Variants in FILIP1 observed in about 807,000 individuals in gnomAD.
FILIP1 encodes filamin-A-interacting protein 1.
FILIP1 carries 61 observed loss-of-function variants against 102.1 expected under a neutral mutation model. The ratio of observed to expected loss-of-function variants is 0.60; its 90% confidence interval spans 0.49 to 0.74. The LOEUF (loss-of-function observed/expected upper bound fraction) is 0.74. Among genes scored for constraint, FILIP1 ranks in the 30% least tolerant of loss-of-function variants. The pLI is 0.00. For missense variants in FILIP1, 1,314 were observed against 1,441.2 expected (o/e 0.91, Z 1.43); for synonymous variants, 491 against 526.9 (o/e 0.93, Z 0.93).
chr6:75,399,058 G>C (rs1176409063), intron 2 of FILIP1: 1 of 152,138 alleles, frequency 6.6e-6, no homozygotes, highest in East Asian at 1.9e-4. Context: ...GCTCCTCAAA[G>C]TATAGAATTT....
intron 1 of FILIP1, among the ~76,000 whole-genome samples, chr6:75,464,132 T>C (rs1385669110): frequency 1.3e-5 from 2 of 152,210 alleles, no homozygotes; most frequent in African/African-American, 4.8e-5. Context: ...CCTTTTAAGA[T>C]TATAATGCTC....
intron 1 of FILIP1, among the ~76,000 whole-genome samples, chr6:75,482,309 A>G (rs1203892666): frequency 6.6e-6 from 1 of 152,238 alleles, no homozygotes; most frequent in Non-Finnish European, 1.5e-5. Flanking sequence ...GATAGTATTG[A>G]TGGTAATAGG....
At chr6:75,401,273 C>T (rs1046944201) in intron 2 of FILIP1, among the ~76,000 whole-genome samples, 1 of 152,190 alleles carries the variant, frequency 6.6e-6, no homozygotes, top group East Asian at 1.9e-4. Flanking sequence ...CTGAAATTCT[C>T]TCCTTCCCTT....
chr6:75,481,718 C>T (rs1383576625), intron 1 of FILIP1, among the ~76,000 whole-genome samples: 1 of 152,150 alleles, frequency 6.6e-6, no homozygotes, highest in Non-Finnish European at 1.5e-5. Flanking sequence ...CTTTTAGCTA[C>T]AAAACATGGG....
chr6:75,363,022 G>T (rs1238650885), intron 2 of FILIP1, 105 bp from the exon 3 acceptor site: 3 of 1,139,896 alleles, frequency 2.6e-6, no homozygotes, highest in Non-Finnish European at 3.7e-6. Flanking sequence ...ATCTTGTCAG[G>T]GCTATTGGCA....
At chr6:75,392,722 A>G (rs1321705648) in intron 2 of FILIP1, among the ~76,000 whole-genome samples, 1 of 151,878 alleles carries the variant, frequency 6.6e-6, no homozygotes, top group Non-Finnish European at 1.5e-5. Context: ...CATAATTCCC[A>G]TGTGTTGTGG....
intron 1 of FILIP1, among the ~76,000 whole-genome samples, chr6:75,446,746 C>T (rs1778454333): frequency 1.3e-5 from 2 of 152,158 alleles, no homozygotes; most frequent in South Asian, 4.2e-4. Flanking sequence ...AAAATGATGA[C>T]TCTTTCATTA....
intron 1 of FILIP1, among the ~76,000 whole-genome samples, chr6:75,452,922 A>G (rs1481094848): frequency 6.6e-6 from 1 of 152,212 alleles, no homozygotes; most frequent in East Asian, 1.9e-4. Context: ...TTTTGATGAG[A>G]CAAAAAGCCA....
chr6:75,441,199 G>A (rs1397942212), intron 1 of FILIP1, among the ~76,000 whole-genome samples: 1 of 151,614 alleles, frequency 6.6e-6, no homozygotes, highest in African/African-American at 2.4e-5. Flanking sequence ...CGAGCATGCT[G>A]CCTTCAAGCA....
At chr6:75,390,655 G>A (rs991485786) in intron 2 of FILIP1, among the ~76,000 whole-genome samples, 2 of 152,116 alleles carry the variant, frequency 1.3e-5, no homozygotes, top group African/African-American at 4.8e-5. Flanking sequence ...AACCATTCAT[G>A]AGAAATCCAT....
chr6:75,293,797 CCATCAGAGGTA>C (rs1360622254), exon 7 of FILIP1: 1 of 152,062 alleles, frequency 6.6e-6, no homozygotes, highest in Non-Finnish European at 1.5e-5. Context: ...AATAATTTTG[CCATCAGAGGTA>C]CAAACATTGG....
intron 1 of FILIP1, among the ~76,000 whole-genome samples, chr6:75,437,801 C>T (rs188582761): frequency 4.8e-4 from 73 of 152,302 alleles, no homozygotes; most frequent in Middle Eastern, 3.4e-3. Context: ...ACTAACTGGG[C>T]ATTCCAAAGC....
intron 2 of FILIP1, among the ~76,000 whole-genome samples, chr6:75,407,534 T>A (rs1776913284): frequency 6.6e-6 from 1 of 152,170 alleles, no homozygotes; most frequent in Admixed American, 6.5e-5. Flanking sequence ...CCTTATAAAT[T>A]ATTTTTGAAG....
At chr6:75,367,126 C>G (rs763512525) in intron 2 of FILIP1, among the ~76,000 whole-genome samples, 29 of 152,134 alleles carry the variant, frequency 1.9e-4, no homozygotes, top group Non-Finnish European at 3.7e-4. Flanking sequence ...CCAACTGATA[C>G]CAAACACCTA....
At chr6:75,309,031 T>C (rs1309979399) in intron 5 of FILIP1, 134 bp from the exon 6 acceptor site, 8 of 920,090 alleles carry the variant, frequency 8.7e-6, no homozygotes, top group Non-Finnish European at 1.3e-5. Flanking sequence ...GATAAAATAA[T>C]TGTGAGAAAC....
chr6:75,294,773 G>C (rs1331691286), exon 7 of FILIP1: 1 of 150,664 alleles, frequency 6.6e-6, no homozygotes, highest in African/African-American at 2.4e-5. Context: ...GCTCCCTGCA[G>C]CCTCCATCTC....
intron 4 of FILIP1, among the ~76,000 whole-genome samples, chr6:75,349,018 C>T (rs1014511527): frequency 6.6e-6 from 1 of 152,166 alleles, no homozygotes; most frequent in Non-Finnish European, 1.5e-5. Flanking sequence ...ATTCACTTGT[C>T]CAAAAGTGCT....
At chr6:75,330,795 G>T (rs562560282) in intron 4 of FILIP1, among the ~76,000 whole-genome samples, 2 of 152,204 alleles carry the variant, frequency 1.3e-5, no homozygotes, top group South Asian at 4.2e-4. Context: ...TTTCGAGGGG[G>T]TTATGTATAA....
At chr6:75,348,363 C>A (rs546978254) in intron 4 of FILIP1, among the ~76,000 whole-genome samples, 3 of 152,200 alleles carry the variant, frequency 2.0e-5, no homozygotes, top group African/African-American at 7.2e-5. Flanking sequence ...GGAATTAATA[C>A]AATAAAAAAT....
Sources: gnomAD v4.1 joint callset for allele counts (sites outside exome capture counted in the v4.1 genomes callset) on GRCh38, gnomAD v4.1.1 for gene constraint, MANE v1.5 for transcripts, NCBI Gene and HGNC (gene_info 2026-07-23, HGNC 2026-07-21) for gene names.